The following TACC2 variants were observed in gnomAD, a reference collection of about 807,000 sequenced individuals.
TACC2 encodes transforming acidic coiled-coil-containing protein 2.
Under a neutral mutation model 227.3 loss-of-function variants are expected in TACC2, and 137 were observed. That is an observed-to-expected ratio of 0.60 (90% CI 0.52 to 0.69). The LOEUF is 0.69. Among genes scored for constraint, TACC2 ranks in the 30% least tolerant of loss-of-function variants. The probability of loss-of-function intolerance (pLI) is 0.00; values close to 1 mark genes in which losing one functional copy is unlikely to be tolerated. For missense variants in TACC2, 3,470 were observed against 3,694.4 expected (o/e 0.94, Z 1.57); for synonymous variants, 1,523 against 1,487.5 (o/e 1.02, Z -0.55).
At chr10:122,163,961 A>C (rs776515408) in intron 7 of TACC2, 183 of 1,589,074 alleles carry the variant, frequency 1.2e-4, no homozygotes, top group Non-Finnish European at 1.5e-4. Context: ...AGCCCCAGCC[A>C]GCGACCTGAA....
chr10:122,249,764 G>T, intron 22 of TACC2, 100 bp downstream of exon 22: 2 of 1,401,542 alleles, frequency 1.4e-6, no homozygotes, highest in Non-Finnish European at 1.9e-6. Flanking sequence ...GGCCACTGCT[G>T]CTCCTGAAGA....
intron 1 of TACC2, among the ~76,000 whole-genome samples, chr10:121,991,081 T>C (rs1953009718): frequency 6.6e-6 from 1 of 152,194 alleles, no homozygotes; most frequent in Non-Finnish European, 1.5e-5. Flanking sequence ...CCACTACGCC[T>C]CATCTGGACC....
rs929431812 is a variant in TACC2 at position 122,050,773 on chromosome 10, A to G, written c.146+223A>G. ...TCCTGATTGCCTGCCCAAAGATGAA[A>G]TTAGTAATTATAGACTTCCATTCCA... On this transcript the variant is annotated intron_variant, in intron 3 of 22. Coordinates refer to ENST00000369005, the MANE Select transcript of TACC2 (RefSeq NM_206862.4). This position sits in a 1 kb window ranked among gnomAD's most constrained non-coding sequence, Gnocchi z 4.6. 4 of 529,366 alleles carry G rather than the reference A, an allele frequency of 7.6e-6. No homozygotes were observed. Among genetic ancestry groups the G allele is most frequent in the African/African-American group, 5.8e-5 (3 of 52,116 alleles). The allele number at this position is 529,366 out of a possible 1,614,324, so 32.8% of individuals were successfully genotyped here.
At chr10:122,216,872 G>A (rs2095416533) in intron 11 of TACC2, 44 bp downstream of exon 11, 2 of 1,614,036 alleles carry the variant, frequency 1.2e-6, no homozygotes, top group Non-Finnish European at 1.7e-6. Flanking sequence ...CTGCCTCGGA[G>A]AATCCTGCCC....
In TACC2 at chr10:122,082,994, A is replaced by C; in HGVS notation, c.494A>C (p.Gln165Pro). Residue 165 changes from glutamine to proline, a missense_variant, in exon 4 of 23, where the codon CAA becomes CCA. Gln to Pro is a moderately conservative substitution (Grantham distance 76, BLOSUM62 -1). Coordinates refer to ENST00000369005, the MANE Select transcript of TACC2 (RefSeq NM_206862.4). ...GAGAGGGACAGCTCTACTCCATACC[A>C]AGAGATTGCTGCCGTCCCCAGTGCT... The part of the protein sequence containing the change: ...PAERDSSTPY[Q>P]EIAAVPSAGR... 6.2e-7 allele frequency: 1 copy of C among 1,612,640 alleles called. No individual in the cohort carries two copies. The highest frequency in any genetic ancestry group is 8.5e-7 in the Non-Finnish European group (1 of 1,179,976).
chr10:122,215,563 C>A, intron 10 of TACC2, 112 bp downstream of exon 10: 1 of 894,400 alleles, frequency 1.1e-6, no homozygotes, highest in Non-Finnish European at 1.9e-6. Context: ...CCAAGACCCT[C>A]TTCTTGCATT....
At chr10:122,171,684 T>C (rs888372653) in intron 7 of TACC2, among the ~76,000 whole-genome samples, 1 of 152,250 alleles carries the variant, frequency 6.6e-6, no homozygotes, top group Admixed American at 6.5e-5. Flanking sequence ...ACTTTCAATG[T>C]GCTAAAAGAA....
At chr10:122,233,783 C>A (rs1292708060) in intron 16 of TACC2, among the ~76,000 whole-genome samples, 1 of 152,064 alleles carries the variant, frequency 6.6e-6, no homozygotes, top group African/African-American at 2.4e-5. Flanking sequence ...GAGGCTGTGT[C>A]TTGACTCGGT....
In TACC2 at chr10:122,073,848, C is replaced by T. The variant is rs568826552; in HGVS notation, c.147-8799C>T. Among the ~76,000 whole-genome samples the T allele has an allele frequency of 7.2e-5, 11 of 151,914 alleles. No homozygotes were observed. In the South Asian group the frequency reaches 2.1e-3, roughly 29 times the overall value. ...AGGCTGGACTGCAGTGGCGCAATCT[C>T]GGCTTACTGCAAACTCCGCCTCCTG... is the stretch of plus-strand genomic sequence containing the variant. On this transcript the variant is annotated intron_variant, in intron 3 of 22. Coordinates refer to ENST00000369005, the MANE Select transcript of TACC2 (RefSeq NM_206862.4).
At chr10:122,101,321 C>G (rs1208517479) in intron 5 of TACC2, among the ~76,000 whole-genome samples, 1 of 152,134 alleles carries the variant, frequency 6.6e-6, no homozygotes, top group African/African-American at 2.4e-5. Flanking sequence ...CAAGGAACAT[C>G]TATCACTATT....
intron 7 of TACC2, among the ~76,000 whole-genome samples, chr10:122,145,643 A>AT (rs560212250): frequency 2.8e-4 from 43 of 152,190 alleles, no homozygotes; most frequent in African/African-American, 6.0e-4. Flanking sequence ...GTTATACCTC[A>AT]TTTTTTTTAA....
At chr10:122,219,266 T>C (rs1268481668) in intron 11 of TACC2, among the ~76,000 whole-genome samples, 1 of 147,030 alleles carries the variant, frequency 6.8e-6, no homozygotes, top group Non-Finnish European at 1.5e-5. Flanking sequence ...CACCCTTTCC[T>C]TAGTGCTAGC....
intron 5 of TACC2, among the ~76,000 whole-genome samples, chr10:122,114,702 A>G (rs1001136455): frequency 2.5e-4 from 38 of 152,178 alleles, no homozygotes; most frequent in African/African-American, 9.2e-4. Flanking sequence ...CAAAAGTTAC[A>G]TCCCAAGCCT....
At position 122,211,629 on chromosome 10, in the gene TACC2, G is replaced by C. The variant is rs1489399224; in HGVS notation, c.7204G>C (p.Ala2402Pro). 1 of 1,613,128 alleles carries C rather than the reference G, an allele frequency of 6.2e-7. No individual in the cohort carries two copies. The highest frequency in any genetic ancestry group is 1.7e-5 in the Admixed American group (1 of 59,884). ...ATCCCCAGCCTCCTTTGAGATCCCA[G>C]CCAGTGCTATGGAAGCCAATGGAGT... is the stretch of plus-strand genomic sequence containing the variant. ...SKSPASFEIPASAMEANGVDG... is the reference protein window; with the variant it reads ...SKSPASFEIPPSAMEANGVDG... The change falls in exon 9 of 23, where the codon GCC (alanine) becomes CCC (proline). Residue 2402 changes from alanine to proline, a missense_variant. Ala to Pro is a conservative substitution (Grantham distance 27). This residue lies in a region of TACC2 where 593 missense variants were observed against 636.6 expected (regional missense o/e 0.93). Coordinates refer to ENST00000369005, the MANE Select transcript of TACC2 (RefSeq NM_206862.4).
At chr10:122,078,188 C>G (rs1009641518) in intron 3 of TACC2, among the ~76,000 whole-genome samples, 3 of 124,804 alleles carry the variant, frequency 2.4e-5, no homozygotes, top group African/African-American at 9.3e-5. Flanking sequence ...GAGCGAGACT[C>G]CATCTCCAAA....
intron 19 of TACC2, chr10:122,245,150 A>AT (rs914359523): frequency 1.3e-5 from 2 of 151,762 alleles, no homozygotes; most frequent in Non-Finnish European, 2.9e-5. Context: ...TATTTTTGTT[A>AT]TTTTTGCTTT....
intron 3 of TACC2, among the ~76,000 whole-genome samples, chr10:122,081,187 C>T (rs1819296131): frequency 1.3e-5 from 2 of 151,966 alleles, no homozygotes; most frequent in Admixed American, 1.3e-4. Context: ...ACATTTTCCA[C>T]ACTTTGTGTT....
intron 6 of TACC2, among the ~76,000 whole-genome samples, chr10:122,140,779 G>A (rs1450851476): frequency 6.6e-6 from 1 of 152,264 alleles, no homozygotes; most frequent in African/African-American, 2.4e-5. Flanking sequence ...GGAGCTGGCT[G>A]CCGGCTGCCC....
intron 1 of TACC2, among the ~76,000 whole-genome samples, chr10:122,006,983 T>G (rs1955251481): frequency 6.6e-6 from 1 of 151,882 alleles, no homozygotes; most frequent in Non-Finnish European, 1.5e-5. Flanking sequence ...TGCCTCAGCC[T>G]TCCGAGTAGC....
Sources: allele counts gnomAD v4.1 joint callset (sites outside exome capture counted in the v4.1 genomes callset), GRCh38; gene constraint gnomAD v4.1.1; regional missense constraint gnomAD v4.1.1; non-coding constraint Gnocchi (gnomAD v3.1); transcripts MANE v1.5; gene names NCBI Gene and HGNC (gene_info 2026-07-23, HGNC 2026-07-21).